MRPL1: variants seen among roughly 807,000 people sequenced by gnomAD.
MRPL1 encodes the protein large ribosomal subunit protein uL1m.
MRPL1 carries 28 observed loss-of-function variants against 38.0 expected under a neutral mutation model. The observed-to-expected ratio is 0.74, with a 90% CI of 0.55 to 1.01. MRPL1 has a LOEUF of 1.01. MRPL1 is among the 50% of genes least tolerant of loss of function. MRPL1 has a pLI of 0.00. For synonymous variants in MRPL1, 123 were observed against 126.7 expected, an observed-to-expected ratio of 0.97 and a Z score of 0.20; for missense variants, 358 against 389.8, an observed-to-expected ratio of 0.92 and a Z score of 0.69.
intron 7 of MRPL1, among the ~76,000 whole-genome samples, chr4:77,915,603 C>T (rs1241637861): frequency 1.3e-5 from 2 of 151,956 alleles, no homozygotes; most frequent in South Asian, 4.1e-4. Context: ...TTTGTAGAGA[C>T]GGGTTTTGCC....
chr4:77,932,337 C>G (rs1036094793), intron 7 of MRPL1, among the ~76,000 whole-genome samples: 2 of 152,116 alleles, frequency 1.3e-5, no homozygotes, highest in Admixed American at 6.5e-5. Context: ...TCTCAGCTTC[C>G]GAAGAGTTTG....
At chr4:77,863,974 A>T (rs968990160) in intron 1 of MRPL1, among the ~76,000 whole-genome samples, 6 of 150,366 alleles carry the variant, frequency 4.0e-5, no homozygotes, top group Non-Finnish European at 8.8e-5. Context: ...GGTCAGTGAT[A>T]CATGTATATT....
At chr4:77,903,107 A>G (rs1235467595) in intron 6 of MRPL1, among the ~76,000 whole-genome samples, 2 of 152,174 alleles carry the variant, frequency 1.3e-5, no homozygotes, top group African/African-American at 2.4e-5. Flanking sequence ...TGTTAACAAA[A>G]TATTAGCAAG....
In MRPL1 at chr4:77,915,596, G is replaced by T. The variant is rs576897446; in HGVS notation, c.777+6224G>T. Among the ~76,000 whole-genome samples the T allele has an allele frequency of 1.1e-4, 16 of 152,112 alleles. No homozygotes were observed. In the South Asian group the frequency reaches 1.9e-3, roughly 18 times the overall value. On this transcript the variant is annotated intron_variant, in intron 7 of 8. Coordinates refer to ENST00000315567, the MANE Select transcript of MRPL1 (RefSeq NM_020236.4). ...TGCCCAGCTAATTTTTGTATTTTTT[G>T]TAGAGACGGGTTTTGCCATGTTGCC...
At chr4:77,862,910 T>C (rs539788275) in intron 1 of MRPL1, 31 bp downstream of exon 1, 1 of 1,613,954 alleles carries the variant, frequency 6.2e-7, no homozygotes, top group Admixed American at 1.7e-5. Context: ...GCAGGGGAAA[T>C]GGCTCTGGCA....
intron 7 of MRPL1, among the ~76,000 whole-genome samples, chr4:77,947,582 A>G (rs1488823697): frequency 6.6e-6 from 1 of 152,228 alleles, no homozygotes; most frequent in African/African-American, 2.4e-5. Flanking sequence ...ATGGGAAAGC[A>G]CTATTGGAAG....
intron 1 of MRPL1, among the ~76,000 whole-genome samples, chr4:77,865,811 C>T (rs889587786): frequency 3.9e-5 from 6 of 152,180 alleles, no homozygotes; most frequent in Non-Finnish European, 1.5e-5. Flanking sequence ...ACTTGGATTT[C>T]TCTACAGTCT....
At chr4:77,884,466 G>A (rs752016587) in intron 3 of MRPL1, among the ~76,000 whole-genome samples, 1 of 152,172 alleles carries the variant, frequency 6.6e-6, no homozygotes, top group African/African-American at 2.4e-5. Context: ...TAGGCCTCAG[G>A]CCTCAATAGT....
chr4:77,935,425 C>T (rs919644187), intron 7 of MRPL1, among the ~76,000 whole-genome samples: 4 of 151,902 alleles, frequency 2.6e-5, no homozygotes, highest in African/African-American at 7.3e-5. Flanking sequence ...GACGGAGTCT[C>T]GCTCTCTCGC....
chr4:77,894,206 G>A lies in MRPL1; in HGVS notation c.626G>A (p.Arg209Gln), dbSNP rs1452821529. ...AVPEIMPELN[R>Q]LRKKLNKKYP... Reference sequence around the variant, plus strand: ...CCAGAAATAATGCCTGAACTTAATCGATTAAGGAAGAAACTGAATAAAAAA... The same window carrying A: ...CCAGAAATAATGCCTGAACTTAATCAATTAAGGAAGAAACTGAATAAAAAA... Residue 209 changes from arginine to glutamine, a missense_variant, in exon 6 of 9, where the codon CGA becomes CAA. By Grantham distance (43) the Arg-to-Gln change is conservative. Coordinates refer to ENST00000315567, the MANE Select transcript of MRPL1 (RefSeq NM_020236.4). 2 of 1,604,560 alleles carry A rather than the reference G, an allele frequency of 1.2e-6. No individual in the cohort carries two copies. Among genetic ancestry groups the A allele is most frequent in the African/African-American group, 1.3e-5 (1 of 74,316 alleles).
intron 5 of MRPL1, among the ~76,000 whole-genome samples, chr4:77,891,348 TG>T (rs1188897780): frequency 6.7e-5 from 10 of 150,168 alleles, no homozygotes; most frequent in African/African-American, 2.0e-4. Flanking sequence ...CAGTTTTTTT[TG>T]TTTTTTTTTT....
At chr4:77,883,667 T>A (rs909464849) in intron 3 of MRPL1, among the ~76,000 whole-genome samples, 167 bp downstream of exon 3, 1 of 152,212 alleles carries the variant, frequency 6.6e-6, no homozygotes, top group South Asian at 2.1e-4. Context: ...AGACTCCACC[T>A]CCCGGGCTCA....
At chr4:77,868,007 C>T (rs1176260439) in intron 1 of MRPL1, among the ~76,000 whole-genome samples, 1 of 151,922 alleles carries the variant, frequency 6.6e-6, no homozygotes, top group Non-Finnish European at 1.5e-5. Flanking sequence ...CCGCCCACCT[C>T]AGCCCCCCAA....
intron 2 of MRPL1, among the ~76,000 whole-genome samples, chr4:77,875,361 A>G (rs2110231099): frequency 6.6e-6 from 1 of 152,164 alleles, no homozygotes; most frequent in South Asian, 2.1e-4. Flanking sequence ...GTCTTGAAAG[A>G]TAGAATTTTG....
At chr4:77,887,369 G>T (rs1372209628) in intron 5 of MRPL1, 78 bp downstream of exon 5, 26 of 1,150,776 alleles carry the variant, frequency 2.3e-5, no homozygotes, top group Non-Finnish European at 3.3e-5. Flanking sequence ...GTTATATGTG[G>T]AACACTAGTC....
intron 7 of MRPL1, among the ~76,000 whole-genome samples, chr4:77,949,278 G>A (rs1345339383): frequency 6.6e-6 from 1 of 152,168 alleles, no homozygotes; most frequent in Admixed American, 6.5e-5. Context: ...ACTGCTAAAT[G>A]ACAAGATAAT....
At position 77,883,240 on chromosome 4, in the gene MRPL1, A is replaced by G; in HGVS notation, c.144-2A>G. ...TATAACTCAACTTTATTTTCTTTTA[A>G]GGTCTGCAAAGAAAACAAAAAAAGG... On this transcript the variant is annotated splice_acceptor_variant, in intron 2 of 8. Transcript: ENST00000315567. LOFTEE classifies it high-confidence loss of function. The G allele has an allele frequency of 6.5e-7, 1 of 1,541,628 alleles. No individual in the cohort carries two copies. Among genetic ancestry groups the G allele is most frequent in the African/African-American group, 1.4e-5 (1 of 71,458 alleles).
At chr4:77,948,102 A>T (rs570424319) in intron 7 of MRPL1, among the ~76,000 whole-genome samples, 6 of 152,232 alleles carry the variant, frequency 3.9e-5, no homozygotes, top group Non-Finnish European at 7.3e-5. Context: ...GAGAAGTTTA[A>T]TGTATATAAT....
chr4:77,929,402 A>T (rs1736793448), intron 7 of MRPL1, among the ~76,000 whole-genome samples: 1 of 152,238 alleles, frequency 6.6e-6, no homozygotes, highest in Admixed American at 6.5e-5. Context: ...GAGTGTCATT[A>T]GTATTACATC....
Sources: gnomAD v4.1 joint callset for allele counts (sites outside exome capture counted in the v4.1 genomes callset) on GRCh38, gnomAD v4.1.1 for gene constraint, MANE v1.5 for transcripts, NCBI Gene and HGNC (gene_info 2026-07-23, HGNC 2026-07-21) for gene names.